The following ESRRG variants were observed in gnomAD, a reference collection of about 807,000 sequenced individuals.
ESRRG encodes the protein estrogen-related receptor gamma.
ESRRG carries 13 observed loss-of-function variants against 44.0 expected under a neutral mutation model. That is an observed-to-expected ratio of 0.30 (90% CI 0.19 to 0.47). ESRRG has a LOEUF of 0.47. Ranked by LOEUF, ESRRG falls within the 20% of genes least tolerant of loss-of-function variation. ESRRG has a pLI of 1.00. For missense variants in ESRRG, 395 were observed against 580.6 expected (o/e 0.68, Z 3.29); for synonymous variants, 215 against 214.6 (o/e 1.00, Z -0.02).
intron 2 of ESRRG, among the ~76,000 whole-genome samples, chr1:216,760,303 T>C (rs906607514): frequency 4.6e-5 from 7 of 151,970 alleles, no homozygotes; most frequent in African/African-American, 1.7e-4. Flanking sequence ...AGAATATTTA[T>C]ATTCTGAAGA....
At chr1:216,957,042 A>C (rs2068079098) in intron 1 of ESRRG, among the ~76,000 whole-genome samples, 2 of 152,226 alleles carry the variant, frequency 1.3e-5, no homozygotes, top group Admixed American at 1.3e-4. Flanking sequence ...CTGGTGGATA[A>C]AAGTGATTCC....
At chr1:216,706,110 G>T (rs2082390187) in intron 1 of ESRRG, among the ~76,000 whole-genome samples, 1 of 152,134 alleles carries the variant, frequency 6.6e-6, no homozygotes, top group Non-Finnish European at 1.5e-5. Context: ...TAGTGAGTTT[G>T]TCTTTTTTAA....
intron 1 of ESRRG, among the ~76,000 whole-genome samples, chr1:216,987,437 C>T (rs1305055493): frequency 2.0e-5 from 3 of 152,148 alleles, no homozygotes; most frequent in East Asian, 1.9e-4. Context: ...TCATACTGAA[C>T]GTTTGGGATG....
chr1:216,725,520 G>A (rs1404619177), upstream of ESRRG, among the ~76,000 whole-genome samples: 11 of 151,960 alleles, frequency 7.2e-5, no homozygotes, highest in African/African-American at 2.2e-4. Flanking sequence ...CAGGCATTTT[G>A]CAAAAGAAAC....
intron 3 of ESRRG, among the ~76,000 whole-genome samples, chr1:216,578,493 T>A (rs1421084473): frequency 6.6e-6 from 1 of 151,978 alleles, no homozygotes; most frequent in Non-Finnish European, 1.5e-5. Context: ...TAAAGTGGAG[T>A]CTAATGACTC....
At chr1:216,594,068 A>C (rs1478902759) in intron 3 of ESRRG, among the ~76,000 whole-genome samples, 1 of 152,174 alleles carries the variant, frequency 6.6e-6, no homozygotes, top group Non-Finnish European at 1.5e-5. Context: ...TGTTATAAGG[A>C]AACTTATTGG....
Position 216,776,982 on chromosome 1 carries a change from T to C in ESRRG, c.-13-99491A>G, listed in dbSNP as rs942365982. Among the ~76,000 whole-genome samples, 115 of 152,098 alleles carry C rather than the reference T, an allele frequency of 7.6e-4. 1 individual carries two copies. The highest frequency in any genetic ancestry group is 2.7e-3 in the African/African-American group (112 of 41,422). On this transcript the variant is annotated intron_variant, in intron 2 of 7. Transcript: ENST00000359162. ...ATCTCTAGGCATTTTTAACTGTAGG[T>C]TGGACTCCACACCTAGTCTTCTCTT... is the stretch of plus-strand genomic sequence containing the variant.
intron 2 of ESRRG, among the ~76,000 whole-genome samples, chr1:216,905,006 G>A (rs1164875643): frequency 1.3e-5 from 2 of 152,236 alleles, no homozygotes; most frequent in African/African-American, 4.8e-5. Flanking sequence ...AAACTAGGAT[G>A]GTTTCAGAAT....
intron 2 of ESRRG, among the ~76,000 whole-genome samples, chr1:216,887,907 A>C (rs559830225): frequency 5.9e-5 from 9 of 152,286 alleles, no homozygotes; most frequent in African/African-American, 2.2e-4. Flanking sequence ...AAAAGGAGCT[A>C]AATCTTAGAT....
chr1:216,543,391 C>A (rs1418871389), intron 5 of ESRRG, among the ~76,000 whole-genome samples: 1 of 151,988 alleles, frequency 6.6e-6, no homozygotes, highest in Non-Finnish European at 1.5e-5. Flanking sequence ...TTCTTCCATG[C>A]CTCTTCTAAT....
chr1:216,928,627 C>T (rs1454914907), intron 2 of ESRRG, among the ~76,000 whole-genome samples: 1 of 152,132 alleles, frequency 6.6e-6, no homozygotes, highest in Non-Finnish European at 1.5e-5. Flanking sequence ...TGCCACTGAC[C>T]ATCACCCAGG....
intron 3 of ESRRG, among the ~76,000 whole-genome samples, chr1:216,570,338 A>G (rs1166110854): frequency 6.6e-6 from 1 of 152,236 alleles, no homozygotes; most frequent in Non-Finnish European, 1.5e-5. Flanking sequence ...ATATTTCTTT[A>G]TTGCTGCTTT....
intron 1 of ESRRG, among the ~76,000 whole-genome samples, chr1:217,005,748 G>T (rs1309142984): frequency 4.6e-5 from 7 of 151,678 alleles, no homozygotes; most frequent in African/African-American, 1.7e-4. Flanking sequence ...TTAATAGTAG[G>T]TCTAAAACCA....
At chr1:216,558,640 G>C (rs1212646181) in intron 5 of ESRRG, among the ~76,000 whole-genome samples, 1 of 151,678 alleles carries the variant, frequency 6.6e-6, no homozygotes, top group Non-Finnish European at 1.5e-5. Context: ...TAAATAATTT[G>C]CATGTATTTT....
At chr1:216,760,127 T>C (rs1446238775) in intron 2 of ESRRG, among the ~76,000 whole-genome samples, 2 of 152,000 alleles carry the variant, frequency 1.3e-5, no homozygotes, top group Non-Finnish European at 2.9e-5. Flanking sequence ...GTCTGTCTTG[T>C]TCAACATTGT....
At chr1:216,842,616 A>T (rs2095669620) in intron 2 of ESRRG, among the ~76,000 whole-genome samples, 1 of 152,188 alleles carries the variant, frequency 6.6e-6, no homozygotes, top group Admixed American at 6.5e-5. Flanking sequence ...CAGCAACCAG[A>T]CTGTCACCCA....
intron 2 of ESRRG, among the ~76,000 whole-genome samples, chr1:216,779,311 A>ATTTATAAATATAAATATATAG (rs2093780727): frequency 1.4e-5 from 1 of 73,330 alleles, no homozygotes; most frequent in African/African-American, 5.6e-5. Context: ...TAAACATTAT[A>ATTTATAAATATAAATATATAG]TTTATAAATA....
intron 2 of ESRRG, among the ~76,000 whole-genome samples, chr1:216,888,218 T>C (rs909048015): frequency 2.6e-5 from 4 of 152,180 alleles, no homozygotes; most frequent in African/African-American, 4.8e-5. Context: ...TTTAGGTGTT[T>C]TTCTCATGGC....
intron 1 of ESRRG, among the ~76,000 whole-genome samples, chr1:217,113,024 A>T (rs2092677100): frequency 1.3e-5 from 2 of 152,162 alleles, no homozygotes; most frequent in Admixed American, 1.3e-4. Flanking sequence ...GTCATGGGAA[A>T]CCCATAGACT....
Sources: allele counts gnomAD v4.1 joint callset (sites outside exome capture counted in the v4.1 genomes callset), GRCh38; gene constraint gnomAD v4.1.1; transcripts MANE v1.5; gene names NCBI Gene and HGNC (gene_info 2026-07-23, HGNC 2026-07-21).